ARMC2: variants seen among roughly 807,000 people sequenced by gnomAD.
ARMC2 encodes the protein armadillo repeat-containing protein 2.
A neutral mutation model predicts 90.3 loss-of-function variants in ARMC2; 67 were observed. That is an observed-to-expected ratio of 0.74 (90% CI 0.61 to 0.91). The LOEUF is 0.91. Among genes scored for constraint, ARMC2 ranks in the 40% least tolerant of loss-of-function variants. The pLI is 0.00. For synonymous variants in ARMC2, 393 were observed against 393.0 expected, an observed-to-expected ratio of 1.00 and a Z score of 0.00; for missense variants, 920 against 1,030.9, an observed-to-expected ratio of 0.89 and a Z score of 1.47.
At chr6:108,899,426 T>C (rs1771908644) in intron 6 of ARMC2, among the ~76,000 whole-genome samples, 1 of 152,220 alleles carries the variant, frequency 6.6e-6, no homozygotes, top group Admixed American at 6.5e-5. Flanking sequence ...CTGACAGTCA[T>C]CAGTATTTAC....
intron 12 of ARMC2, among the ~76,000 whole-genome samples, chr6:108,951,837 G>T (rs1237386439): frequency 6.6e-6 from 1 of 152,342 alleles, no homozygotes; most frequent in East Asian, 1.9e-4. Context: ...CACGTTTATG[G>T]TCGTCCCTTC....
At chr6:108,866,947 T>A (rs900803187) in intron 3 of ARMC2, among the ~76,000 whole-genome samples, 11 of 152,092 alleles carry the variant, frequency 7.2e-5, no homozygotes, top group African/African-American at 2.4e-4. Flanking sequence ...TATGTTCTAT[T>A]CATGTATGTG....
chr6:108,976,463 G>C (rs1778985185), downstream of ARMC2, among the ~76,000 whole-genome samples: 1 of 152,032 alleles, frequency 6.6e-6, no homozygotes, highest in African/African-American at 2.4e-5. Context: ...TGTTCTTTTT[G>C]CTTAGGATTC....
intron 17 of ARMC2, among the ~76,000 whole-genome samples, chr6:108,966,492 G>A (rs1161600276): frequency 1.1e-4 from 17 of 152,250 alleles, no homozygotes; most frequent in Admixed American, 5.9e-4. Flanking sequence ...TTGTAACACC[G>A]TGCTACTAAA....
intron 3 of ARMC2, among the ~76,000 whole-genome samples, chr6:108,863,865 A>G (rs1775535451): frequency 1.3e-5 from 2 of 152,206 alleles, no homozygotes; most frequent in Non-Finnish European, 2.9e-5. Flanking sequence ...TGGGCTCAGA[A>G]TCCGCCACCA....
At chr6:108,854,566 CT>C (rs1774343270) in intron 2 of ARMC2, 81 bp downstream of exon 2, 5 of 1,373,586 alleles carry the variant, frequency 3.6e-6, no homozygotes. Flanking sequence ...TTAAGGTTAG[CT>C]TTTAAAAATA....
chr6:108,901,922 G>A (rs1333105560), intron 7 of ARMC2, among the ~76,000 whole-genome samples: 5 of 152,134 alleles, frequency 3.3e-5, no homozygotes, highest in Admixed American at 6.5e-5. Context: ...AGACTGTCCC[G>A]CAAATTGGGT....
At chr6:108,852,212 C>A (rs190598444) in intron 1 of ARMC2, among the ~76,000 whole-genome samples, 1 of 152,110 alleles carries the variant, frequency 6.6e-6, no homozygotes. Context: ...AATCCTCCCC[C>A]CAAAGCCCCA....
At chr6:108,857,556 A>G (rs1259996809) in intron 2 of ARMC2, among the ~76,000 whole-genome samples, 1 of 152,236 alleles carries the variant, frequency 6.6e-6, no homozygotes, top group Non-Finnish European at 1.5e-5. Flanking sequence ...GAAAAGCAGT[A>G]GTAAGAGGGG....
At chr6:108,891,099 G>A (rs796942233) in intron 5 of ARMC2, among the ~76,000 whole-genome samples, 7 of 152,142 alleles carry the variant, frequency 4.6e-5, no homozygotes, top group East Asian at 1.9e-4. Flanking sequence ...TTTTATGGCC[G>A]CATACTATTC....
At chr6:109,032,218 G>A in the ARMC2 span, among the ~76,000 whole-genome samples, 1 of 152,104 alleles carries the variant, frequency 6.6e-6, no homozygotes, top group African/African-American at 2.4e-5. Context: ...GTTGCGGTGA[G>A]CTGAGATAAT....
At chr6:108,913,619 G>A (rs1773651649) in intron 10 of ARMC2, among the ~76,000 whole-genome samples, 1 of 152,118 alleles carries the variant, frequency 6.6e-6, no homozygotes, top group Admixed American at 6.5e-5. Flanking sequence ...GTATAAGGAA[G>A]AATATAAAAA....
intron 11 of ARMC2, among the ~76,000 whole-genome samples, chr6:108,936,040 T>A (rs891383371): frequency 3.9e-5 from 6 of 152,140 alleles, no homozygotes; most frequent in African/African-American, 1.4e-4. Context: ...GGAAGAAATA[T>A]ATGAACATCT....
chr6:108,968,666 A>G (rs1424168469), intron 17 of ARMC2, among the ~76,000 whole-genome samples: 2 of 152,262 alleles, frequency 1.3e-5, no homozygotes, highest in East Asian at 1.9e-4. Context: ...TTGCATTTCA[A>G]TTCTTTTACA....
At chr6:109,020,397 T>TA in the ARMC2 span, among the ~76,000 whole-genome samples, 5 of 152,084 alleles carry the variant, frequency 3.3e-5, no homozygotes, top group African/African-American at 1.2e-4. Context: ...TATTTTTAGT[T>TA]AAAAAAAATT....
intron 5 of ARMC2, among the ~76,000 whole-genome samples, chr6:108,892,334 C>T (rs1771153095): frequency 6.6e-6 from 1 of 152,048 alleles, no homozygotes; most frequent in Non-Finnish European, 1.5e-5. Context: ...TGGCTAGTGA[C>T]ATTTGCTATC....
At chr6:108,909,295 CT>C (rs1773148796) in intron 8 of ARMC2, among the ~76,000 whole-genome samples, 1 of 150,950 alleles carries the variant, frequency 6.6e-6, no homozygotes, top group African/African-American at 2.4e-5. Context: ...TTTTTTGTGA[CT>C]GCTTAATATG....
At chr6:109,021,601 C>T in the ARMC2 span, among the ~76,000 whole-genome samples, 2 of 152,156 alleles carry the variant, frequency 1.3e-5, no homozygotes, top group East Asian at 3.9e-4. Context: ...CCAAGCCTGG[C>T]TAATTTTTTT....
rs1013240741 is a variant in ARMC2, at chr6:108,911,090, C to T, written c.1126+89C>T. On this transcript the variant is annotated intron_variant, in intron 9 of 17. Transcript: ENST00000392644. Reference sequence around the variant, plus strand: ...AGAGAAAATATATAATCAATGATAGCAAGAATATTTTGTTTTCTAGAAACA... The same window carrying T: ...AGAGAAAATATATAATCAATGATAGTAAGAATATTTTGTTTTCTAGAAACA... The T allele has an allele frequency of 2.2e-5, 17 of 789,894 alleles. No homozygotes were observed. In the African/African-American group the frequency reaches 2.2e-4, roughly 10 times the overall value. 48.9% of individuals were successfully genotyped at this position (789,894 alleles called of 1,614,324 possible).
Sources: gnomAD v4.1 joint callset for allele counts (sites outside exome capture counted in the v4.1 genomes callset) on GRCh38, gnomAD v4.1.1 for gene constraint, MANE v1.5 for transcripts, NCBI Gene and HGNC (gene_info 2026-07-23, HGNC 2026-07-21) for gene names.